Variants in LATS1 observed in about 807,000 individuals in gnomAD.
LATS1 encodes large tumor suppressor kinase 1, also known as serine/threonine-protein kinase LATS1.
In LATS1, 25 loss-of-function variants were observed where a neutral mutation model predicts 106.6. The observed-to-expected ratio is 0.23, with a 90% CI of 0.17 to 0.33. The LOEUF (loss-of-function observed/expected upper bound fraction) is 0.33, where lower values mean the gene tolerates loss of function less well. LATS1 is among the 10% of genes least tolerant of loss of function. The pLI is 1.00. For synonymous variants in LATS1, 465 were observed against 455.6 expected (o/e 1.02, Z -0.26); for missense variants, 1,040 against 1,382.6 (o/e 0.75, Z 3.93).
At position 149,701,771 on chromosome 6, in the gene LATS1, A is replaced by G; in HGVS notation, c.348+8T>C. 1 of 1,593,138 alleles carries G rather than the reference A, an allele frequency of 6.3e-7. No homozygotes were observed. Among genetic ancestry groups the G allele is most frequent in the Non-Finnish European group, 8.6e-7 (1 of 1,165,930 alleles). On this transcript the variant is annotated splice_region_variant and intron_variant, in intron 2 of 7. Coordinates refer to ENST00000543571, the MANE Select transcript of LATS1 (RefSeq NM_004690.4). ...AGAATCCTTTCTTTTGTCTTTAAAC[A>G]TTCTTACCTCATCAAATCCAGCAGC...
Position 149,680,330 on chromosome 6 carries a change from A to G in LATS1, c.2138T>C (p.Ile713Thr). 6.2e-7 allele frequency: 1 copy of G among 1,613,900 alleles called. No homozygotes were observed. Among genetic ancestry groups the G allele is most frequent in the South Asian group, 1.1e-5 (1 of 91,078 alleles). The change falls in exon 5 of 8, where the codon ATA becomes ACA. Residue 713 changes from isoleucine (I) to threonine (T), a missense_variant. Coordinates refer to ENST00000543571, the MANE Select transcript of LATS1 (RefSeq NM_004690.4). ...TAGACAGACTTCACCAAATGCTCCTATTCCTAGTGTCTTTATCTTCACAAA... is the reference window on the plus strand; with the variant it reads ...TAGACAGACTTCACCAAATGCTCCTGTTCCTAGTGTCTTTATCTTCACAAA... The part of the protein sequence containing the change: ...SMFVKIKTLG[I>T]GAFGEVCLAR...
Position 149,702,178 on chromosome 6 carries a change from C to G in LATS1, c.-52G>C. On this transcript the variant is annotated 5_prime_UTR_variant, in exon 2 of 8. Transcript: ENST00000543571. ...CGAAGGACTTCTTTATTTGATAGATCCAGAGCTTTCTTCTGAGCAAAAGTG... is the reference window on the plus strand; with the variant it reads ...CGAAGGACTTCTTTATTTGATAGATGCAGAGCTTTCTTCTGAGCAAAAGTG... 4 of 1,219,350 alleles carry G rather than the reference C, an allele frequency of 3.3e-6. No homozygotes were observed. Among genetic ancestry groups the G allele is most frequent in the Non-Finnish European group, 4.6e-6 (4 of 861,928 alleles). 75.5% of individuals were successfully genotyped at this position (1,219,350 alleles called of 1,614,324 possible). A position where few individuals can be genotyped will look rare whatever the true frequency, so the allele number is the denominator to read the frequency against.
intron 1 of LATS1, among the ~76,000 whole-genome samples, chr6:149,709,837 C>T (rs1021236594): frequency 4.0e-5 from 6 of 151,558 alleles, no homozygotes; most frequent in African/African-American, 1.2e-4. Context: ...TACCATGCCT[C>T]GCTAATTTTT....
At chr6:149,680,522 C>T in intron 4 of LATS1, 65 bp from the exon 5 acceptor site, 1 of 1,202,322 alleles carries the variant, frequency 8.3e-7, no homozygotes, top group Non-Finnish European at 1.2e-6. Flanking sequence ...TAAGAAATAG[C>T]TTGGGAAAAA....
intron 6 of LATS1, 74 bp downstream of exon 6, chr6:149,676,481 A>G: frequency 7.0e-7 from 1 of 1,429,870 alleles, no homozygotes; most frequent in Non-Finnish European, 9.6e-7. Flanking sequence ...AAGCCTGAAA[A>G]ATAAGGCATA....
At chr6:149,693,017 C>T (rs1052208025) in intron 3 of LATS1, among the ~76,000 whole-genome samples, 3 of 151,876 alleles carry the variant, frequency 2.0e-5, no homozygotes, top group Non-Finnish European at 4.4e-5. Context: ...ATAATCCCAG[C>T]ACTTCGGGAG....
In LATS1 at chr6:149,662,312, A is replaced by G. The variant is rs1189659313; in HGVS notation, c.2884-74T>C. ...AAGATTTCCTTCAAGTTTTATACCA[A>G]AAGTCTCACTGGGCTATTTTTGTAT... On this transcript the variant is annotated intron_variant, in intron 7 of 7. Transcript: ENST00000543571. The G allele has an allele frequency of 1.9e-4, 235 of 1,222,524 alleles. 1 individual carries two copies. The highest frequency in any genetic ancestry group is 3.1e-5 in the Non-Finnish European group (27 of 883,382). 75.7% of individuals were successfully genotyped at this position (1,222,524 alleles called of 1,614,324 possible).
At chr6:149,675,994 G>A (rs573308558) in intron 7 of LATS1, 6 of 381,746 alleles carry the variant, frequency 1.6e-5, no homozygotes, top group Non-Finnish European at 2.9e-5. Context: ...ACCCTTACAA[G>A]TTCATTCTTT....
chr6:149,704,283 G>A (rs954828021), intron 1 of LATS1, among the ~76,000 whole-genome samples: 4 of 152,046 alleles, frequency 2.6e-5, no homozygotes, highest in Admixed American at 1.3e-4. Context: ...GATTACAGGC[G>A]TGAGCCACTG....
chr6:149,666,806 G>A (rs1277290790), intron 7 of LATS1, among the ~76,000 whole-genome samples: 1 of 151,866 alleles, frequency 6.6e-6, no homozygotes, highest in African/African-American at 2.4e-5. Context: ...GCCGGGCGTG[G>A]TGGTGGGCGC....
At chr6:149,716,869 T>C (rs925556890) in intron 1 of LATS1, among the ~76,000 whole-genome samples, 1 of 152,212 alleles carries the variant, frequency 6.6e-6, no homozygotes, top group Non-Finnish European at 1.5e-5. Context: ...GCACAGAACA[T>C]TCACTCCAAT....
At chr6:149,697,440 TATTC>T (rs1783166044) in intron 2 of LATS1, among the ~76,000 whole-genome samples, 1 of 152,190 alleles carries the variant, frequency 6.6e-6, no homozygotes, top group African/African-American at 2.4e-5. Flanking sequence ...AAATTTAAGA[TATTC>T]ATAAGAGTCC....
chr6:149,676,227 G>C, intron 7 of LATS1, 33 bp downstream of exon 7: 5 of 1,386,232 alleles, frequency 3.6e-6, no homozygotes, highest in Non-Finnish European at 4.1e-6. Flanking sequence ...GCAACTTTGT[G>C]AGAATTCTTT....
In LATS1 at chr6:149,659,383, C is replaced by T. The variant is rs1416724243; in HGVS notation, c.*2346G>A. The T allele has an allele frequency of 4.9e-6, 1 of 204,872 alleles. No homozygotes were observed. The highest frequency in any genetic ancestry group is 1.0e-5 in the Non-Finnish European group (1 of 99,938). 12.7% of individuals were successfully genotyped at this position (204,872 alleles called of 1,614,324 possible). ...GCTGAGGCGGGAGGACTGCGTGAGCCCCCAAGGTTGAGGATGCAGTGAGCT... is the reference window on the plus strand; with the variant it reads ...GCTGAGGCGGGAGGACTGCGTGAGCTCCCAAGGTTGAGGATGCAGTGAGCT... On this transcript the variant is annotated 3_prime_UTR_variant, in exon 8 of 8. Coordinates refer to ENST00000543571, the MANE Select transcript of LATS1 (RefSeq NM_004690.4).
At chr6:149,709,635 A>C (rs530446006) in intron 1 of LATS1, among the ~76,000 whole-genome samples, 64 of 147,474 alleles carry the variant, frequency 4.3e-4, no homozygotes, top group African/African-American at 1.6e-3. Context: ...TTCTATCTGC[A>C]TAATGGGAAC....
chr6:149,716,112 G>A (rs550357031), intron 1 of LATS1: 1 of 151,110 alleles, frequency 6.6e-6, no homozygotes, highest in African/African-American at 2.4e-5. Flanking sequence ...AAGTATCATT[G>A]ATTAGTTTGT....
In LATS1 at chr6:149,702,068, G is replaced by A; in HGVS notation, c.59C>T (p.Ala20Val). The A allele has an allele frequency of 3.1e-6, 5 of 1,614,034 alleles. No individual in the cohort carries two copies. Among genetic ancestry groups the A allele is most frequent in the Non-Finnish European group, 4.2e-6 (5 of 1,179,970 alleles). The change falls in exon 2 of 8, where the codon GCC becomes GTC. Residue 20 changes from alanine (A) to valine (V), a missense_variant. By Grantham distance (64) the Ala-to-Val change is moderately conservative. Coordinates refer to ENST00000543571, the MANE Select transcript of LATS1 (RefSeq NM_004690.4). ...YRQMRPKTFPASNYTVSSRQM... is the reference protein window; with the variant it reads ...YRQMRPKTFPVSNYTVSSRQM... Reference sequence around the variant, plus strand: ...CCGGCTACTGACAGTATAGTTACTGGCAGGAAAGGTCTTAGGCCTCATTTG... The same window carrying A: ...CCGGCTACTGACAGTATAGTTACTGACAGGAAAGGTCTTAGGCCTCATTTG...
chr6:149,704,775 C>T (rs1783656752), intron 1 of LATS1, among the ~76,000 whole-genome samples: 1 of 151,876 alleles, frequency 6.6e-6, no homozygotes, highest in Non-Finnish European at 1.5e-5. Flanking sequence ...AGGCATGAGC[C>T]ACCCCACCTA....
intron 3 of LATS1, among the ~76,000 whole-genome samples, chr6:149,690,897 T>C (rs976466635): frequency 3.5e-4 from 54 of 152,242 alleles, no homozygotes; most frequent in Admixed American, 3.5e-3. Flanking sequence ...ATTGAAGTCA[T>C]GATGAACTGG....
Sources: allele counts gnomAD v4.1 joint callset (sites outside exome capture counted in the v4.1 genomes callset), GRCh38; gene constraint gnomAD v4.1.1; transcripts MANE v1.5; gene names NCBI Gene and HGNC (gene_info 2026-07-23, HGNC 2026-07-21).